The following PCDHA3 variants were observed in gnomAD, a reference collection of about 807,000 sequenced individuals.
PCDHA3 encodes protocadherin alpha-3.
Under a neutral mutation model 62.2 loss-of-function variants are expected in PCDHA3, and 41 were observed. The observed-to-expected ratio is 0.66, with a 90% CI of 0.51 to 0.86. The LOEUF (loss-of-function observed/expected upper bound fraction) is 0.86, where lower values mean the gene tolerates loss of function less well. Ranked by LOEUF, PCDHA3 falls within the 40% of genes least tolerant of loss-of-function variation. The pLI is 0.00. For missense variants in PCDHA3, 1,304 were observed against 1,241.2 expected, an observed-to-expected ratio of 1.05 and a Z score of -0.76; for synonymous variants, 640 against 555.4, an observed-to-expected ratio of 1.15 and a Z score of -2.14.
intron 1 of PCDHA3, chr5:140,807,109 C>A: frequency 1.3e-6 from 2 of 1,483,570 alleles, no homozygotes; most frequent in African/African-American, 1.4e-5. Flanking sequence ...GATGCAGCTG[C>A]ACTTGACTGA....
At chr5:140,837,357 C>A (rs2150274946) in intron 1 of PCDHA3, among the ~76,000 whole-genome samples, 2 of 151,850 alleles carry the variant, frequency 1.3e-5, no homozygotes, top group Non-Finnish European at 2.9e-5. Context: ...GTTTAAATGG[C>A]AGTTTAATAG....
chr5:140,833,822 T>C (rs1020023759), intron 1 of PCDHA3, among the ~76,000 whole-genome samples: 1 of 152,148 alleles, frequency 6.6e-6, no homozygotes, highest in Non-Finnish European at 1.5e-5. Context: ...CCTGGGTCCC[T>C]AAAAGAGTAC....
At chr5:140,810,582 T>C (rs1412871983) in intron 1 of PCDHA3, 2 of 152,238 alleles carry the variant, frequency 1.3e-5, no homozygotes, top group African/African-American at 4.8e-5. Flanking sequence ...GTTGAGTACC[T>C]TTCTATTTTA....
At position 140,803,246 on chromosome 5, in the gene PCDHA3, C is replaced by T. The variant is rs1554122670; in HGVS notation, c.2049C>T (p.Ser683=). 5 of 1,613,836 alleles carry T rather than the reference C, an allele frequency of 3.1e-6. No individual in the cohort carries two copies. The African/African-American group carries it at 4.0e-5, about 13-fold the overall frequency. The part of the protein sequence containing the change: ...GQAPKASSQA[S]AGATGPEAAL... The stretch of plus-strand genomic sequence containing the variant: ...CACCCAAGGCCTCGTCCCAGGCGTC[C>T]GCTGGCGCCACGGGCCCGGAAGCTG... The change falls in exon 1 of 4, where the codon TCC becomes TCT. Residue 683 remains serine (S), a synonymous_variant. Transcript: ENST00000522353.
intron 1 of PCDHA3, chr5:140,843,463 G>A: frequency 1.9e-6 from 3 of 1,596,032 alleles, no homozygotes; most frequent in Non-Finnish European, 2.6e-6. Flanking sequence ...TGGTGCTCAC[G>A]CTGCTGCTGT....
In PCDHA3 at chr5:140,801,644, C is replaced by T; in HGVS notation, c.447C>T (p.Gly149=). Residue 149 remains glycine (G), a synonymous_variant, in exon 1 of 4, where the codon GGC becomes GGT. Transcript: ENST00000522353. ...TTATTTCCGAATCCCGACAGCCTGG[C>T]TCTCGGTTTTCGCTAGAGGGCGCAT... The part of the protein sequence containing the change: ...NLFISESRQP[G]SRFSLEGASD... The T allele has an allele frequency of 6.2e-7, 1 of 1,614,188 alleles. No homozygotes were observed. Among genetic ancestry groups the T allele is most frequent in the Non-Finnish European group, 8.5e-7 (1 of 1,180,026 alleles).
At chr5:140,904,015 A>G (rs1374371306) in intron 1 of PCDHA3, among the ~76,000 whole-genome samples, 1 of 152,234 alleles carries the variant, frequency 6.6e-6, no homozygotes, top group Non-Finnish European at 1.5e-5. Context: ...ACTTTAAAAA[A>G]TAATGGTATA....
chr5:140,928,642 G>C, intron 1 of PCDHA3: 1 of 1,614,232 alleles, frequency 6.2e-7, no homozygotes, highest in African/African-American at 1.3e-5. Flanking sequence ...CACAAAAGTG[G>C]TAGCAGAGGA....
intron 1 of PCDHA3, chr5:140,850,351 G>A (rs2150480754): frequency 6.3e-7 from 1 of 1,597,916 alleles, no homozygotes; most frequent in Non-Finnish European, 8.6e-7. Flanking sequence ...GCCAGCGCGA[G>A]CATCCCGTTC....
chr5:140,930,404 T>C (rs2086793049), intron 1 of PCDHA3: 1 of 152,170 alleles, frequency 6.6e-6, no homozygotes, highest in African/African-American at 2.4e-5. Flanking sequence ...TTTTTTTTTT[T>C]TGAGACAGGG....
intron 1 of PCDHA3, chr5:140,823,046 T>C: frequency 6.2e-7 from 1 of 1,614,200 alleles, no homozygotes; most frequent in South Asian, 1.1e-5. Flanking sequence ...GAGCTGGTGG[T>C]GACCGCGCGG....
intron 1 of PCDHA3, chr5:140,926,342 G>T (rs1238404747): frequency 6.6e-6 from 1 of 152,270 alleles, no homozygotes; most frequent in Admixed American, 6.5e-5. Flanking sequence ...GCCGGGACCC[G>T]ACGCGCGGCT....
intron 3 of PCDHA3, among the ~76,000 whole-genome samples, chr5:140,995,275 A>G (rs1383239362): frequency 6.6e-6 from 1 of 152,146 alleles, no homozygotes; most frequent in African/African-American, 2.4e-5. Context: ...GCCCTTTGAT[A>G]CCAAAACAGC....
chr5:140,836,773 A>G lies in PCDHA3; in HGVS notation c.2394+33182A>G, dbSNP rs2150269695. On this transcript the variant is annotated intron_variant, in intron 1 of 3. Transcript: ENST00000522353. ...AAATAATCTTGTTTCCAACAATTTT[A>G]AAACAATTAGTTCAATTGGTCTCCT... is the stretch of plus-strand genomic sequence containing the variant. The G allele has an allele frequency of 2.6e-6, 4 of 1,543,022 alleles. No individual in the cohort carries two copies. The East Asian group carries it at 9.0e-5, about 35-fold the overall frequency.
At chr5:140,928,277 C>A (rs2085098556) in intron 1 of PCDHA3, 2 of 1,614,156 alleles carry the variant, frequency 1.2e-6, no homozygotes, top group South Asian at 2.2e-5. Context: ...GGCCCTGGGG[C>A]CTCTCTAGGC....
intron 1 of PCDHA3, chr5:140,813,404 C>T (rs2126646229): frequency 6.6e-6 from 1 of 152,258 alleles, no homozygotes; most frequent in East Asian, 1.9e-4. Context: ...AGGCTACAAA[C>T]CTGTACATAT....
chr5:140,987,213 C>CA (rs58319157), intron 3 of PCDHA3, among the ~76,000 whole-genome samples: 3,048 of 118,770 alleles, frequency 0.026, 41 homozygotes, highest in Middle Eastern at 0.12. Flanking sequence ...GACTCCATCT[C>CA]AAAAAAAAAA....
At chr5:140,963,685 C>T (rs1272143166) in intron 1 of PCDHA3, among the ~76,000 whole-genome samples, 19 of 152,220 alleles carry the variant, frequency 1.2e-4, no homozygotes, top group Middle Eastern at 3.4e-3. Flanking sequence ...TGTGTTTATC[C>T]GTGTTTGATA....
At chr5:140,877,317 G>A (rs535177109) in intron 1 of PCDHA3, 1 of 1,613,886 alleles carries the variant, frequency 6.2e-7, no homozygotes. Context: ...AACCGGCGGC[G>A]GTCGGCGCGC....
Sources: allele counts gnomAD v4.1 joint callset (sites outside exome capture counted in the v4.1 genomes callset), GRCh38; gene constraint gnomAD v4.1.1; transcripts MANE v1.5; gene names NCBI Gene and HGNC (gene_info 2026-07-23, HGNC 2026-07-21).